The following NFU1 variants were observed in gnomAD, a reference collection of about 807,000 sequenced individuals.
NFU1 encodes NFU1 iron-sulfur cluster scaffold homolog, mitochondrial.
In NFU1, 30 loss-of-function variants were observed where a neutral mutation model predicts 32.2. That is an observed-to-expected ratio of 0.93 (90% CI 0.70 to 1.26). The LOEUF (loss-of-function observed/expected upper bound fraction) is 1.26, where lower values mean the gene tolerates loss of function less well. Ranked by LOEUF, NFU1 falls within the 50% of genes most tolerant of loss-of-function variation. The probability of loss-of-function intolerance (pLI) is 0.00; values close to 1 mark genes in which losing one functional copy is unlikely to be tolerated. For missense variants in NFU1, 306 were observed against 306.6 expected, an observed-to-expected ratio of 1.00 and a Z score of 0.02; for synonymous variants, 112 against 104.6, an observed-to-expected ratio of 1.07 and a Z score of -0.43.
chr2:69,437,260 G>A (rs1673875515), intron 1 of NFU1, 101 bp downstream of exon 1: 1 of 1,520,148 alleles, frequency 6.6e-7, no homozygotes, highest in Non-Finnish European at 8.8e-7. Flanking sequence ...TCCATCAGAT[G>A]CACTACCCAC....
upstream of NFU1, among the ~76,000 whole-genome samples, chr2:69,438,539 T>C (rs1041542088): frequency 6.6e-6 from 1 of 152,110 alleles, no homozygotes; most frequent in Non-Finnish European, 1.5e-5. Flanking sequence ...CAAAAGCTCT[T>C]AGGTTACCTC....
intron 7 of NFU1, among the ~76,000 whole-genome samples, chr2:69,398,642 A>G (rs1423812102): frequency 6.6e-6 from 1 of 152,236 alleles, no homozygotes; most frequent in East Asian, 1.9e-4. Flanking sequence ...CTTCTGAAGC[A>G]TGTATACCCA....
intron 6 of NFU1, among the ~76,000 whole-genome samples, chr2:69,402,984 T>C (rs562442192): frequency 6.8e-6 from 1 of 146,846 alleles, no homozygotes; most frequent in South Asian, 2.3e-4. Flanking sequence ...CTCTTTTCTT[T>C]TCCCCTCCCT....
intron 2 of NFU1, among the ~76,000 whole-genome samples, chr2:69,428,715 C>T (rs1673544937): frequency 6.6e-6 from 1 of 152,196 alleles, no homozygotes; most frequent in Non-Finnish European, 1.5e-5. Flanking sequence ...TAAGATCAAT[C>T]TTCCTGTCCT....
At chr2:69,429,749 CT>C (rs1673576540) in intron 2 of NFU1, among the ~76,000 whole-genome samples, 1 of 152,150 alleles carries the variant, frequency 6.6e-6, no homozygotes, top group African/African-American at 2.4e-5. Flanking sequence ...CTAATTCAGG[CT>C]GGGCACGGTG....
chr2:69,406,504 T>G (rs1209209722), intron 5 of NFU1, among the ~76,000 whole-genome samples: 1 of 152,176 alleles, frequency 6.6e-6, no homozygotes, highest in Admixed American at 6.5e-5. Context: ...GTTTCTCAAT[T>G]TACTGGTTTT....
At chr2:69,435,222 C>T (rs894071925) in intron 1 of NFU1, among the ~76,000 whole-genome samples, 2 of 152,116 alleles carry the variant, frequency 1.3e-5, no homozygotes, top group African/African-American at 4.8e-5. Context: ...TAAATGTCTC[C>T]CAAAGTTAGC....
chr2:69,437,197 C>G (rs190706701), intron 1 of NFU1, 164 bp downstream of exon 1: 3 of 1,420,254 alleles, frequency 2.1e-6, no homozygotes, highest in African/African-American at 1.4e-5. Flanking sequence ...AGCTCCCGCA[C>G]AGACAGCCTC....
At chr2:69,408,221 C>T (rs1672762782) in intron 5 of NFU1, among the ~76,000 whole-genome samples, 1 of 152,096 alleles carries the variant, frequency 6.6e-6, no homozygotes, top group Admixed American at 6.6e-5. Flanking sequence ...TCATACCATA[C>T]ATACTATTCT....
chr2:69,396,525 C>T (rs1245914858), intron 7 of NFU1, among the ~76,000 whole-genome samples: 3 of 152,002 alleles, frequency 2.0e-5, no homozygotes, highest in Non-Finnish European at 4.4e-5. Context: ...GCCAGGCGGG[C>T]GCCTGTAGTC....
Position 69,437,358 on chromosome 2 carries a change from T to A in NFU1, c.62+3A>T, listed in dbSNP as rs1458601616. ...TATTCGGAGCTCCAGGCTCGTCACCTACCGCCTGCGCAGCCCGGCGGCAAC... is the reference window on the plus strand; with the variant it reads ...TATTCGGAGCTCCAGGCTCGTCACCAACCGCCTGCGCAGCCCGGCGGCAAC... On this transcript the variant is annotated splice_donor_region_variant and intron_variant, in intron 1 of 7. Coordinates refer to ENST00000410022, the MANE Select transcript of NFU1 (RefSeq NM_001002755.4). The A allele has an allele frequency of 1.2e-6, 2 of 1,606,872 alleles. No homozygotes were observed. Among genetic ancestry groups the A allele is most frequent in the South Asian group, 1.1e-5 (1 of 90,524 alleles).
At chr2:69,425,685 C>G (rs1028503465) in intron 2 of NFU1, among the ~76,000 whole-genome samples, 1 of 151,620 alleles carries the variant, frequency 6.6e-6, no homozygotes, top group Non-Finnish European at 1.5e-5. Context: ...TGGGTTTCAC[C>G]ATGTTGGCCA....
At chr2:69,405,735 CTTTTT>C (rs1452401992) in intron 6 of NFU1, among the ~76,000 whole-genome samples, 1 of 149,392 alleles carries the variant, frequency 6.7e-6, no homozygotes, top group Non-Finnish European at 1.5e-5. Context: ...TTTTTTTTTT[CTTTTT>C]AAGAAATTTG....
chr2:69,423,205 GTGT>G (rs1479782610), intron 3 of NFU1, among the ~76,000 whole-genome samples: 9 of 106,708 alleles, frequency 8.4e-5, no homozygotes, highest in African/African-American at 2.0e-4. Context: ...CTGTGTGTGT[GTGT>G]GGGGGGGGGC....
At chr2:69,415,662 A>T (rs920642300) in intron 4 of NFU1, among the ~76,000 whole-genome samples, 47 of 152,340 alleles carry the variant, frequency 3.1e-4, no homozygotes, top group African/African-American at 1.1e-3. Flanking sequence ...TTAGTAAAAA[A>T]GGCAATTTGC....
At chr2:69,429,602 G>A (rs1049136330) in intron 2 of NFU1, among the ~76,000 whole-genome samples, 1 of 151,960 alleles carries the variant, frequency 6.6e-6, no homozygotes, top group Non-Finnish European at 1.5e-5. Context: ...ATCCTTGAGG[G>A]TAAAAACTAC....
chr2:69,416,910 A>C (rs1197332569), intron 4 of NFU1, among the ~76,000 whole-genome samples: 1 of 152,192 alleles, frequency 6.6e-6, no homozygotes, highest in Non-Finnish European at 1.5e-5. Context: ...AAAACAAAAA[A>C]AGGAAACAAT....
chr2:69,425,514 C>G (rs1043298610), intron 2 of NFU1, among the ~76,000 whole-genome samples: 6 of 151,724 alleles, frequency 4.0e-5, no homozygotes, highest in African/African-American at 1.2e-4. Flanking sequence ...ACCACCATGC[C>G]CGGCTAATTT....
At chr2:69,436,350 G>A (rs1323731504) in intron 1 of NFU1, among the ~76,000 whole-genome samples, 1 of 152,146 alleles carries the variant, frequency 6.6e-6, no homozygotes, top group Non-Finnish European at 1.5e-5. Flanking sequence ...GCAGTTCAAG[G>A]TTTGGGGTAA....
Sources: gnomAD v4.1 joint callset for allele counts (sites outside exome capture counted in the v4.1 genomes callset) on GRCh38, gnomAD v4.1.1 for gene constraint, MANE v1.5 for transcripts, NCBI Gene and HGNC (gene_info 2026-07-23, HGNC 2026-07-21) for gene names.